DPYD: variants seen among roughly 807,000 people sequenced by gnomAD.
DPYD encodes dihydropyrimidine dehydrogenase [NADP(+)].
DPYD carries 109 observed loss-of-function variants against 116.2 expected under a neutral mutation model. The ratio of observed to expected loss-of-function variants is 0.94; its 90% CI spans 0.80 to 1.10. DPYD has a LOEUF of 1.10. Ranked by LOEUF, DPYD falls within the 50% of genes least tolerant of loss-of-function variation. DPYD has a pLI of 0.00. For missense variants in DPYD, 1,302 were observed against 1,254.5 expected, an observed-to-expected ratio of 1.04 and a Z score of -0.57; for synonymous variants, 440 against 432.0, an observed-to-expected ratio of 1.02 and a Z score of -0.23.
chr1:97,677,476 TAC>T (rs1343506813), intron 8 of DPYD, among the ~76,000 whole-genome samples: 1 of 152,184 alleles, frequency 6.6e-6, no homozygotes. Context: ...AATTGGAACT[TAC>T]AGACACCTGC....
At chr1:97,441,111 T>C (rs944425557) in intron 14 of DPYD, among the ~76,000 whole-genome samples, 9 of 152,134 alleles carry the variant, frequency 5.9e-5, no homozygotes, top group African/African-American at 2.2e-4. Flanking sequence ...GCTTTTAAGA[T>C]TTTTCTCTTT....
intron 18 of DPYD, chr1:97,265,333 C>A (rs1015439647): frequency 3.5e-4 from 53 of 152,148 alleles, no homozygotes; most frequent in African/African-American, 1.2e-3. Flanking sequence ...CACAATTATA[C>A]CACCTAGTTT....
chr1:97,298,164 C>A (rs1666642555), intron 18 of DPYD, among the ~76,000 whole-genome samples: 1 of 152,138 alleles, frequency 6.6e-6, no homozygotes, highest in South Asian at 2.1e-4. Flanking sequence ...ATAAGATATT[C>A]TAACTAAAAT....
In DPYD at chr1:97,719,625, T is replaced by C. The variant is rs941378364; in HGVS notation, c.483+1885A>G. The C allele has an allele frequency of 5.7e-6, 5 of 872,384 alleles. No individual in the cohort carries two copies. The African/African-American group carries it at 9.1e-5, about 16-fold the overall frequency. 54.0% of individuals were successfully genotyped at this position (872,384 alleles called of 1,614,324 possible). A position where few individuals can be genotyped will look rare whatever the true frequency, so the allele number is the denominator to read the frequency against. On this transcript the variant is annotated intron_variant, in intron 5 of 22. Transcript: ENST00000370192. The stretch of plus-strand genomic sequence containing the variant: ...GAAAACGGAGTTACTCGTTTTGTTG[T>C]TTTTTTAACTTCCTAATAACTTTGA...
chr1:97,413,884 C>G (rs1674147036), intron 14 of DPYD, among the ~76,000 whole-genome samples: 1 of 151,724 alleles, frequency 6.6e-6, no homozygotes, highest in South Asian at 2.1e-4. Flanking sequence ...CATTAGGTAA[C>G]TATCAGCCAA....
chr1:97,654,033 T>C (rs1320614792), intron 8 of DPYD, among the ~76,000 whole-genome samples: 1 of 152,178 alleles, frequency 6.6e-6, no homozygotes, highest in Non-Finnish European at 1.5e-5. Context: ...CAATAACTTA[T>C]CAAGGTGTCT....
rs567332025 is a variant in DPYD, at chr1:97,563,049, T to A, written c.1339+10711A>T. On this transcript the variant is annotated intron_variant, in intron 11 of 22. Coordinates refer to ENST00000370192, the MANE Select transcript of DPYD (RefSeq NM_000110.4). ...TCTAATTTAACCAGAGTATTTTAGATAGGGATGTTGTCCTATTTATATTGT... is the reference window on the plus strand; with the variant it reads ...TCTAATTTAACCAGAGTATTTTAGAAAGGGATGTTGTCCTATTTATATTGT... 5.3e-5 allele frequency among the ~76,000 whole-genome samples: 8 copies of A among 152,228 alleles called. No individual in the cohort carries two copies. In the East Asian group the frequency reaches 9.6e-4, roughly 18 times the overall value.
intron 12 of DPYD, chr1:97,546,532 C>T: frequency 6.3e-7 from 1 of 1,595,688 alleles, no homozygotes; most frequent in Non-Finnish European, 8.6e-7. Context: ...AGAATTACTA[C>T]AAAGCATACA....
intron 13 of DPYD, among the ~76,000 whole-genome samples, chr1:97,460,854 C>T (rs535182398): frequency 1.3e-5 from 2 of 152,166 alleles, no homozygotes; most frequent in Admixed American, 1.3e-4. Context: ...GCCTGACCAA[C>T]AGGGAGAAAC....
At chr1:97,252,903 T>A (rs901283765) in intron 18 of DPYD, among the ~76,000 whole-genome samples, 2 of 152,202 alleles carry the variant, frequency 1.3e-5, no homozygotes, top group Non-Finnish European at 2.9e-5. Context: ...TATTTATTCA[T>A]AAACTTCGAA....
intron 13 of DPYD, among the ~76,000 whole-genome samples, chr1:97,470,195 A>G (rs1677564769): frequency 6.6e-6 from 1 of 152,022 alleles, no homozygotes; most frequent in Admixed American, 6.6e-5. Flanking sequence ...TGTTTAAAAG[A>G]GAATGAAGTC....
intron 13 of DPYD, among the ~76,000 whole-genome samples, chr1:97,468,942 T>TC (rs1280162608): frequency 1.3e-5 from 2 of 152,134 alleles, no homozygotes; most frequent in African/African-American, 4.8e-5. Flanking sequence ...AATAATGGAT[T>TC]CCAAAAAAAT....
At chr1:97,323,729 T>C (rs1294568771) in intron 16 of DPYD, among the ~76,000 whole-genome samples, 1 of 147,664 alleles carries the variant, frequency 6.8e-6, no homozygotes, top group Non-Finnish European at 1.5e-5. Context: ...CACATATATA[T>C]ACATATATAT....
chr1:97,818,210 T>G (rs1668734731), intron 3 of DPYD, among the ~76,000 whole-genome samples: 1 of 152,042 alleles, frequency 6.6e-6, no homozygotes, highest in Admixed American at 6.6e-5. Flanking sequence ...AAACTATCAC[T>G]TGCAATATTA....
intron 8 of DPYD, among the ~76,000 whole-genome samples, chr1:97,655,785 TTGAA>T (rs1401878433): frequency 6.6e-6 from 1 of 152,160 alleles, no homozygotes; most frequent in Non-Finnish European, 1.5e-5. Flanking sequence ...TGATATAAAT[TTGAA>T]TGAACTCATG....
At chr1:97,611,044 T>C (rs1428928621) in intron 8 of DPYD, among the ~76,000 whole-genome samples, 1 of 151,986 alleles carries the variant, frequency 6.6e-6, no homozygotes, top group Admixed American at 6.6e-5. Context: ...AATAGATGTA[T>C]TCATCCATTT....
intron 13 of DPYD, among the ~76,000 whole-genome samples, chr1:97,480,781 G>C (rs1332526939): frequency 1.3e-5 from 2 of 152,186 alleles, no homozygotes; most frequent in Admixed American, 6.5e-5. Context: ...AGGAGTTCAA[G>C]ACCAGCCTGG....
At chr1:97,444,200 T>A (rs1418832556) in intron 14 of DPYD, among the ~76,000 whole-genome samples, 1 of 152,246 alleles carries the variant, frequency 6.6e-6, no homozygotes, top group Non-Finnish European at 1.5e-5. Context: ...TGAAAATTTA[T>A]ATTTAAGATT....
chr1:97,552,353 T>C (rs1337021050), intron 11 of DPYD, among the ~76,000 whole-genome samples: 2 of 152,054 alleles, frequency 1.3e-5, no homozygotes, highest in Non-Finnish European at 2.9e-5. Flanking sequence ...ATGCAAAAAA[T>C]GTACATAGAA....
Sources: gnomAD v4.1 joint callset for allele counts (sites outside exome capture counted in the v4.1 genomes callset) on GRCh38, gnomAD v4.1.1 for gene constraint, MANE v1.5 for transcripts, NCBI Gene and HGNC (gene_info 2026-07-23, HGNC 2026-07-21) for gene names.